Variants in ITCH observed in about 807,000 individuals in gnomAD.
ITCH encodes E3 ubiquitin-protein ligase Itchy homolog.
A neutral mutation model predicts 126.8 loss-of-function variants in ITCH; 28 were observed. The ratio of observed to expected loss-of-function variants is 0.22; its 90% CI spans 0.16 to 0.30. The LOEUF (loss-of-function observed/expected upper bound fraction) is 0.30. Among genes scored for constraint, ITCH ranks in the 10% least tolerant of loss-of-function variants. ITCH has a pLI of 1.00. For missense variants in ITCH, 631 were observed against 1,032.4 expected (o/e 0.61, Z 5.33); for synonymous variants, 342 against 340.0 (o/e 1.01, Z -0.06).
intron 16 of ITCH, 49 bp downstream of exon 16, chr20:34,471,564 A>G: frequency 8.5e-7 from 1 of 1,170,652 alleles, no homozygotes; most frequent in Non-Finnish European, 1.3e-6. Flanking sequence ...CTAGCTTAGG[A>G]CCCGCTTTTG....
intron 23 of ITCH, among the ~76,000 whole-genome samples, chr20:34,499,619 C>A (rs1366991909): frequency 2.8e-5 from 2 of 71,712 alleles, no homozygotes; most frequent in African/African-American, 1.0e-4. Flanking sequence ...TTTTGTTTAT[C>A]CTTTCAGAAA....
chr20:34,485,281 A>G (rs1328820448), intron 20 of ITCH, among the ~76,000 whole-genome samples: 2 of 152,178 alleles, frequency 1.3e-5, no homozygotes, highest in African/African-American at 4.8e-5. Flanking sequence ...TTTTGTGGAC[A>G]TATTTTTCTT....
intron 6 of ITCH, among the ~76,000 whole-genome samples, chr20:34,422,934 A>G (rs1980976870): frequency 6.6e-6 from 1 of 152,046 alleles, no homozygotes. Flanking sequence ...GGTTGGGACT[A>G]CAGGCGCCCG....
intron 7 of ITCH, among the ~76,000 whole-genome samples, chr20:34,428,036 A>G (rs1414002383): frequency 6.6e-6 from 1 of 152,194 alleles, no homozygotes; most frequent in Non-Finnish European, 1.5e-5. Context: ...AATTTGGGGA[A>G]CAATGTCTTC....
chr20:34,381,207 C>T (rs968795399), intron 2 of ITCH, among the ~76,000 whole-genome samples: 1 of 151,880 alleles, frequency 6.6e-6, no homozygotes, highest in Non-Finnish European at 1.5e-5. Context: ...TGGAGACCAG[C>T]CTGGCCAACA....
chr20:34,401,136 G>A (rs1568895668), intron 3 of ITCH, among the ~76,000 whole-genome samples: 1 of 151,992 alleles, frequency 6.6e-6, no homozygotes, highest in Non-Finnish European at 1.5e-5. Flanking sequence ...TCAGCTCTTC[G>A]TTTCTTCTTA....
intron 7 of ITCH, among the ~76,000 whole-genome samples, chr20:34,431,608 G>C (rs1467579616): frequency 6.6e-6 from 1 of 152,110 alleles, no homozygotes; most frequent in African/African-American, 2.4e-5. Flanking sequence ...AAGAAAAGGA[G>C]AACAAGAACA....
chr20:34,436,867 C>T (rs1983069040), intron 7 of ITCH, among the ~76,000 whole-genome samples: 1 of 152,176 alleles, frequency 6.6e-6, no homozygotes, highest in Non-Finnish European at 1.5e-5. Context: ...TGGCTCGTGC[C>T]TGTAATTGTA....
At chr20:34,464,486 T>C (rs776042833) in intron 14 of ITCH, among the ~76,000 whole-genome samples, 2 of 151,726 alleles carry the variant, frequency 1.3e-5, no homozygotes, top group Non-Finnish European at 2.9e-5. Flanking sequence ...ACCACCACGC[T>C]GAGCTAATTT....
Position 34,396,041 on chromosome 20 carries a change from T to A in ITCH, c.70+2160T>A, listed in dbSNP as rs144547716. 9.4e-3 allele frequency among the ~76,000 whole-genome samples: 1,417 copies of A among 150,876 alleles called. 15 individuals are homozygous for A. Among genetic ancestry groups the A allele is most frequent in the African/African-American group, 0.031 (1,299 of 41,246 alleles). On this transcript the variant is annotated intron_variant, in intron 3 of 24. Coordinates refer to ENST00000374864, the MANE Select transcript of ITCH (RefSeq NM_031483.7). ...CCAAATTATTATTATTATTATTTTT[T>A]TTTTTTTTTGGAGACAGAGTTTTGC...
intron 7 of ITCH, among the ~76,000 whole-genome samples, chr20:34,429,224 GCCACCATGC>G (rs931151355): frequency 4.6e-5 from 7 of 152,174 alleles, no homozygotes; most frequent in African/African-American, 1.7e-4. Flanking sequence ...ATAGGTGTGA[GCCACCATGC>G]CCAGCCAGCT....
intron 1 of ITCH, among the ~76,000 whole-genome samples, chr20:34,365,603 G>A (rs1036617418): frequency 2.6e-5 from 4 of 152,122 alleles, no homozygotes; most frequent in Non-Finnish European, 5.9e-5. Flanking sequence ...TTTTAGTAGA[G>A]ATGGGTTTTC....
At position 34,489,848 on chromosome 20, in the gene ITCH, T is replaced by C. The variant is rs2146509598; in HGVS notation, c.2241T>C (p.Ile747=). 6.2e-7 allele frequency: 1 copy of C among 1,613,848 alleles called. No individual in the cohort carries two copies. The highest frequency in any genetic ancestry group is 8.5e-7 in the Non-Finnish European group (1 of 1,179,748). ...LEVLLCGMQE[I]DLNDWQRHAI... ...TCCTTTTATGTGGAATGCAAGAGAT[T>C]GATTTGAATGACTGGCAAAGACATG... The change falls in exon 22 of 25, where the codon ATT becomes ATC. Residue 747 remains isoleucine, a synonymous_variant. Transcript: ENST00000374864.
At chr20:34,440,456 T>C (rs1398714395) in intron 9 of ITCH, 112 bp downstream of exon 9, 3 of 840,300 alleles carry the variant, frequency 3.6e-6, no homozygotes, top group African/African-American at 1.7e-5. Flanking sequence ...TTGATGACTG[T>C]TTTTTAATTT....
Position 34,462,120 on chromosome 20 carries a change from A to G in ITCH, c.1323A>G (p.Glu441=), listed in dbSNP as rs775322525. The change falls in exon 14 of 25, where the codon GAA becomes GAG. Residue 441 remains glutamate, a synonymous_variant. Coordinates refer to ENST00000374864, the MANE Select transcript of ITCH (RefSeq NM_031483.7). ...AATTAAATGAAAAGCCCTTACCTGA[A>G]GGTTGGGAAATGAGATTCACAGTGG... The part of the protein sequence containing the change: ...QGQLNEKPLP[E]GWEMRFTVDG... 10 of 1,613,622 alleles carry G rather than the reference A, an allele frequency of 6.2e-6. No individual in the cohort carries two copies. The highest frequency in any genetic ancestry group is 6.8e-6 in the Non-Finnish European group (8 of 1,179,720).
chr20:34,475,167 C>G (rs1988063987), intron 16 of ITCH, among the ~76,000 whole-genome samples: 1 of 151,126 alleles, frequency 6.6e-6, no homozygotes, highest in Non-Finnish European at 1.5e-5. Context: ...CCTCACTTTC[C>G]AGACTGGGCA....
At chr20:34,383,195 C>A (rs2038135170) in intron 2 of ITCH, among the ~76,000 whole-genome samples, 1 of 151,932 alleles carries the variant, frequency 6.6e-6, no homozygotes, top group Non-Finnish European at 1.5e-5. Context: ...GTGCATACCA[C>A]CATGCCTGGG....
chr20:34,366,054 T>TA (rs1289659551), intron 1 of ITCH, among the ~76,000 whole-genome samples: 1 of 152,086 alleles, frequency 6.6e-6, no homozygotes, highest in East Asian at 1.9e-4. Flanking sequence ...CATTGGGTCT[T>TA]ACATGAAGAG....
At chr20:34,497,106 C>T (rs1989938828) in intron 23 of ITCH, among the ~76,000 whole-genome samples, 1 of 151,898 alleles carries the variant, frequency 6.6e-6, no homozygotes, top group Non-Finnish European at 1.5e-5. Context: ...AAGCAATTCT[C>T]TTGCCTTAGC....
Sources: allele counts gnomAD v4.1 joint callset (sites outside exome capture counted in the v4.1 genomes callset), GRCh38; gene constraint gnomAD v4.1.1; transcripts MANE v1.5; gene names NCBI Gene and HGNC (gene_info 2026-07-23, HGNC 2026-07-21).